The following XKR9 variants were observed in gnomAD, a reference collection of about 807,000 sequenced individuals.
The protein encoded by XKR9 is XK related 9.
XKR9 carries 32 observed loss-of-function variants against 32.0 expected under a neutral mutation model. The observed-to-expected ratio is 1.00, with a 90% CI of 0.76 to 1.34. The LOEUF is 1.34. XKR9 is among the 40% of genes most tolerant of loss of function. The pLI, the probability that XKR9 is intolerant of heterozygous loss-of-function variation, is 0.00. For synonymous variants in XKR9, 168 were observed against 143.4 expected (o/e 1.17, Z -1.22); for missense variants, 546 against 429.7 (o/e 1.27, Z -2.39).
At chr8:70,987,755 G>C in the XKR9 span, among the ~76,000 whole-genome samples, 15 of 152,152 alleles carry the variant, frequency 9.9e-5, no homozygotes, top group African/African-American at 3.6e-4. Flanking sequence ...CTGTGTGGGG[G>C]CTCTGACACC....
At chr8:70,740,077 C>T (rs1018813552), downstream of XKR9, among the ~76,000 whole-genome samples, 1 of 152,154 alleles carries the variant, frequency 6.6e-6, no homozygotes, top group Non-Finnish European at 1.5e-5. Context: ...CAACTTGGTT[C>T]CATTCTGCCC....
chr8:71,057,838 G>A, the XKR9 span, among the ~76,000 whole-genome samples: 1 of 152,082 alleles, frequency 6.6e-6, no homozygotes, highest in African/African-American at 2.4e-5. Flanking sequence ...GAATGATCTG[G>A]TCATGCCCAA....
chr8:70,931,719 C>G, the XKR9 span, among the ~76,000 whole-genome samples: 1 of 152,054 alleles, frequency 6.6e-6, no homozygotes, highest in African/African-American at 2.4e-5. Context: ...TGGCAGAGGC[C>G]AAAGAGGGAG....
At chr8:70,941,763 C>T in the XKR9 span, among the ~76,000 whole-genome samples, 1 of 152,084 alleles carries the variant, frequency 6.6e-6, no homozygotes, top group African/African-American at 2.4e-5. Flanking sequence ...TTCCATCTTT[C>T]TAGACTCAGG....
chr8:70,839,764 A>G, the XKR9 span, among the ~76,000 whole-genome samples: 4 of 152,166 alleles, frequency 2.6e-5, no homozygotes, highest in African/African-American at 4.8e-5. Context: ...ACTCTGGGGT[A>G]TGGCACAGTG....
At position 70,683,475 on chromosome 8, in the gene XKR9, C is replaced by A. The variant is rs184248784; in HGVS notation, c.272+2145C>A. Reference sequence around the variant, plus strand: ...TATTTCTTCTTGAATCTCAGGACTTCTACCTAGAATTACTTTTCTTTTTTT... The same window carrying A: ...TATTTCTTCTTGAATCTCAGGACTTATACCTAGAATTACTTTTCTTTTTTT... On this transcript the variant is annotated intron_variant, in intron 3 of 4. Transcript: ENST00000408926. 411 of 437,298 alleles carry A rather than the reference C, an allele frequency of 9.4e-4. 1 individual carries two copies. Among genetic ancestry groups the A allele is most frequent in the African/African-American group, 7.8e-3 (380 of 48,440 alleles). 27.1% of individuals were successfully genotyped at this position (437,298 alleles called of 1,614,324 possible).
the XKR9 span, among the ~76,000 whole-genome samples, chr8:70,970,951 T>A: frequency 6.6e-6 from 1 of 152,238 alleles, no homozygotes; most frequent in Non-Finnish European, 1.5e-5. Context: ...ATCCCATTAC[T>A]GGGTATATAC....
the XKR9 span, among the ~76,000 whole-genome samples, chr8:71,032,227 AGAGCT>A: frequency 2.7e-5 from 4 of 147,692 alleles, no homozygotes; most frequent in Admixed American, 1.4e-4. Flanking sequence ...GAGGTTGCAA[AGAGCT>A]GAAATCACAC....
chr8:70,782,157 CA>C (rs1392492711), intron 2 of XKR9, among the ~76,000 whole-genome samples: 4 of 152,150 alleles, frequency 2.6e-5, no homozygotes, highest in African/African-American at 9.6e-5. Context: ...TGTGAAGCAG[CA>C]CAGCTGCTAT....
At chr8:70,726,179 T>C (rs529096251) in intron 4 of XKR9, among the ~76,000 whole-genome samples, 4 of 152,184 alleles carry the variant, frequency 2.6e-5, no homozygotes, top group Non-Finnish European at 5.9e-5. Context: ...GTTGGAAGAA[T>C]GGTGAAATCA....
At chr8:70,827,727 G>T in the XKR9 span, among the ~76,000 whole-genome samples, 1 of 152,222 alleles carries the variant, frequency 6.6e-6, no homozygotes, top group East Asian at 1.9e-4. Flanking sequence ...GAAATCCAAA[G>T]AAATGTCAGC....
chr8:70,809,023 A>G, the XKR9 span, among the ~76,000 whole-genome samples: 1 of 152,218 alleles, frequency 6.6e-6, no homozygotes, highest in African/African-American at 2.4e-5. Flanking sequence ...ACCCTCGAGT[A>G]GCCTAACTGG....
chr8:70,935,836 A>T, the XKR9 span, among the ~76,000 whole-genome samples: 2 of 152,054 alleles, frequency 1.3e-5, no homozygotes, highest in Non-Finnish European at 2.9e-5. Flanking sequence ...GTTTTTTACC[A>T]TCTGCACTTT....
At chr8:70,789,848 C>T (rs1279896928) in intron 3 of XKR9, among the ~76,000 whole-genome samples, 1 of 151,956 alleles carries the variant, frequency 6.6e-6, no homozygotes, top group Non-Finnish European at 1.5e-5. Flanking sequence ...TAATTATAGT[C>T]CAGCATCTCT....
At chr8:70,701,309 G>C (rs1403488007) in intron 3 of XKR9, among the ~76,000 whole-genome samples, 1 of 152,182 alleles carries the variant, frequency 6.6e-6, no homozygotes, top group Non-Finnish European at 1.5e-5. Context: ...GACCGGAGCT[G>C]TTCCTATTCG....
intron 4 of XKR9, among the ~76,000 whole-genome samples, chr8:70,712,245 G>A (rs968608420): frequency 2.6e-5 from 4 of 152,102 alleles, no homozygotes; most frequent in Non-Finnish European, 4.4e-5. Context: ...GAGAGGCTAA[G>A]TTATTCAACT....
chr8:70,879,515 G>T, the XKR9 span, among the ~76,000 whole-genome samples: 1 of 152,150 alleles, frequency 6.6e-6, no homozygotes, highest in Non-Finnish European at 1.5e-5. Context: ...TACCATCAGA[G>T]AATACTATAA....
chr8:70,814,429 A>G, the XKR9 span, among the ~76,000 whole-genome samples: 1 of 151,906 alleles, frequency 6.6e-6, no homozygotes, highest in Non-Finnish European at 1.5e-5. Flanking sequence ...GTACCCTAAA[A>G]CTTAAAAGTA....
the XKR9 span, among the ~76,000 whole-genome samples, chr8:70,943,720 T>A: frequency 2.0e-5 from 3 of 152,106 alleles, no homozygotes; most frequent in Admixed American, 6.6e-5. Context: ...GGCTGGGAGC[T>A]TGGAGACTTG....
Sources: gnomAD v4.1 joint callset for allele counts (sites outside exome capture counted in the v4.1 genomes callset) on GRCh38, gnomAD v4.1.1 for gene constraint, MANE v1.5 for transcripts, NCBI Gene and HGNC (gene_info 2026-07-23, HGNC 2026-07-21) for gene names.